LRIG1: variants seen among roughly 807,000 people sequenced by gnomAD.
LRIG1 encodes the protein leucine rich repeats and immunoglobulin like domains 1.
LRIG1 carries 48 observed loss-of-function variants against 99.2 expected under a neutral mutation model. The ratio of observed to expected loss-of-function variants is 0.48; its 90% CI spans 0.38 to 0.62. LRIG1 has a LOEUF of 0.62. LRIG1 is among the 20% of genes least tolerant of loss of function. The pLI is 0.00. For missense variants in LRIG1, 1,646 were observed against 1,434.4 expected (o/e 1.15, Z -2.38); for synonymous variants, 772 against 596.1 (o/e 1.29, Z -4.30).
intron 2 of LRIG1, among the ~76,000 whole-genome samples, chr3:66,461,193 T>C (rs1700346811): frequency 1.3e-5 from 2 of 152,114 alleles, no homozygotes; most frequent in African/African-American, 4.8e-5. Context: ...TAGTCCCAGC[T>C]ACTCACAAGG....
intron 9 of LRIG1, among the ~76,000 whole-genome samples, chr3:66,402,429 C>T (rs745910638): frequency 2.6e-5 from 4 of 152,108 alleles, no homozygotes; most frequent in Non-Finnish European, 5.9e-5. Flanking sequence ...CAGCTGTGTG[C>T]GTAAGCTGGA....
rs1700943298 is a variant in LRIG1, at chr3:66,380,073, T to G, written c.*190A>C. On this transcript the variant is annotated 3_prime_UTR_variant, in exon 19 of 19. Transcript: ENST00000273261. The stretch of plus-strand genomic sequence containing the variant: ...GTACAATGATATCAAATACTTTTTT[T>G]GCCTTTTGTACACAAATCCCCTCTT... 1 of 519,346 alleles carries G rather than the reference T, an allele frequency of 1.9e-6. No individual in the cohort carries two copies. The highest frequency in any genetic ancestry group is 3.4e-6 in the Non-Finnish European group (1 of 294,622). The allele number at this position is 519,346 out of a possible 1,614,324, so 32.2% of individuals were successfully genotyped here. A position where few individuals can be genotyped will look rare whatever the true frequency, so the allele number is the denominator to read the frequency against.
intron 2 of LRIG1, among the ~76,000 whole-genome samples, chr3:66,453,544 C>T (rs569579945): frequency 1.3e-5 from 2 of 152,306 alleles, no homozygotes; most frequent in Middle Eastern, 3.4e-3. Flanking sequence ...AGCAAAAACT[C>T]GACATGCCTC....
At chr3:66,399,139 G>A (rs1701965160) in intron 9 of LRIG1, 98 bp from the exon 10 acceptor site, 2 of 986,736 alleles carry the variant, frequency 2.0e-6, no homozygotes, top group Admixed American at 2.0e-5. Flanking sequence ...CACAATTAAG[G>A]TAGTGCTACC....
intron 2 of LRIG1, among the ~76,000 whole-genome samples, chr3:66,458,559 G>T (rs1416955371): frequency 6.6e-6 from 1 of 151,970 alleles, no homozygotes; most frequent in Non-Finnish European, 1.5e-5. Flanking sequence ...AAAATTAGCT[G>T]GGCGTGGTGG....
chr3:66,457,813 A>G (rs978275629), intron 2 of LRIG1, among the ~76,000 whole-genome samples: 1 of 152,218 alleles, frequency 6.6e-6, no homozygotes, highest in Non-Finnish European at 1.5e-5. Flanking sequence ...CTGTCTTAAC[A>G]TCCCCCACAC....
chr3:66,413,124 C>T, intron 5 of LRIG1, 110 bp from the exon 6 acceptor site: 2 of 1,281,196 alleles, frequency 1.6e-6, no homozygotes, highest in Non-Finnish European at 2.2e-6. Context: ...AATCCCAGTG[C>T]AGGGATCCCT....
At chr3:66,392,603 G>C (rs1522912) in intron 12 of LRIG1, among the ~76,000 whole-genome samples, 1,773 of 147,722 alleles carry the variant, frequency 0.012, 34 homozygotes, top group African/African-American at 0.04. Flanking sequence ...CGTTTTTAGA[G>C]GGGGGGAAGC....
intron 3 of LRIG1, among the ~76,000 whole-genome samples, chr3:66,439,448 A>G (rs890142610): frequency 6.6e-6 from 1 of 152,076 alleles, no homozygotes; most frequent in African/African-American, 2.4e-5. Context: ...TCCAAACACA[A>G]CCTTCACAAA....
rs2107930749 is a variant in LRIG1 at position 66,384,118 on chromosome 3, C to T, written c.1944G>A (p.Met648Ile). Residue 648 changes from methionine to isoleucine, a missense_variant, in exon 14 of 19, where the codon ATG becomes ATA. Coordinates refer to ENST00000273261, the MANE Select transcript of LRIG1 (RefSeq NM_015541.3). ...TDFPAARERRMHVMPDDDVFF... is the reference protein window; with the variant it reads ...TDFPAARERRIHVMPDDDVFF... ...ACACGTCGTCATCCGGCATGACATG[C>T]ATGCGTCGCTCACGGGCAGCGGGGA... 5.0e-6 allele frequency: 8 copies of T among 1,614,240 alleles called. No homozygotes were observed. Among genetic ancestry groups the T allele is most frequent in the East Asian group, 4.5e-5 (2 of 44,880 alleles).
Position 66,380,298 on chromosome 3 carries a change from G to A in LRIG1, c.3247C>T (p.Gln1083Ter), listed in dbSNP as rs1451165565. The A allele has an allele frequency of 6.2e-7, 1 of 1,613,706 alleles. No individual in the cohort carries two copies. The highest frequency in any genetic ancestry group is 2.2e-5 in the East Asian group (1 of 44,884). The change falls in exon 19 of 19, where the codon CAG (glutamine) becomes TAG (stop). Residue 1083 changes from glutamine (Q) to a stop codon, truncating the protein, a stop_gained. Transcript: ENST00000273261. LOFTEE classifies it high-confidence loss of function. The stretch of plus-strand genomic sequence containing the variant: ...GGTGCCAACAGCAGTGGCACCCTCT[G>A]TTTCCCGGGGAGCTGTCCTGTCAGT... ...TPLTGQLPGK[Q>*]RVPLLLAPKS
At chr3:66,460,436 C>T (rs114097783) in intron 2 of LRIG1, among the ~76,000 whole-genome samples, 1,684 of 152,290 alleles carry the variant, frequency 0.011, 21 homozygotes, top group African/African-American at 0.039. Flanking sequence ...TGCTGAAGCT[C>T]TAACCCCTAG....
At chr3:66,413,269 G>A (rs1012510655) in intron 5 of LRIG1, among the ~76,000 whole-genome samples, 2 of 152,196 alleles carry the variant, frequency 1.3e-5, no homozygotes, top group African/African-American at 2.4e-5. Flanking sequence ...CTCCGAGGCT[G>A]GCCCACAGCT....
At chr3:66,474,687 C>T (rs1438549368) in intron 1 of LRIG1, among the ~76,000 whole-genome samples, 6 of 152,230 alleles carry the variant, frequency 3.9e-5, no homozygotes, top group African/African-American at 1.2e-4. Flanking sequence ...CCCCACCACA[C>T]GCCTGTCCCC....
intron 9 of LRIG1, chr3:66,404,472 C>G (rs1402056357): frequency 9.1e-7 from 1 of 1,102,982 alleles, no homozygotes; most frequent in Non-Finnish European, 1.1e-6. Flanking sequence ...TGGTTACACG[C>G]AGAGAAAACA....
chr3:66,487,585 A>AAC (rs145217065), intron 1 of LRIG1, among the ~76,000 whole-genome samples: 14 of 151,826 alleles, frequency 9.2e-5, no homozygotes, highest in South Asian at 2.1e-4. Context: ...AGTGGAGAGA[A>AAC]ACACACACAC....
chr3:66,464,373 G>C (rs989862165), intron 1 of LRIG1, among the ~76,000 whole-genome samples: 2 of 152,182 alleles, frequency 1.3e-5, no homozygotes, highest in Non-Finnish European at 2.9e-5. Flanking sequence ...TGACACGGAA[G>C]TGCCTGCCGC....
At chr3:66,485,278 C>A (rs1462374890) in intron 1 of LRIG1, among the ~76,000 whole-genome samples, 1 of 152,130 alleles carries the variant, frequency 6.6e-6, no homozygotes, top group Non-Finnish European at 1.5e-5. Context: ...GGGTCACTGG[C>A]GGCCACAGCA....
At chr3:66,498,406 A>G (rs1335835874) in intron 1 of LRIG1, 1 of 152,134 alleles carries the variant, frequency 6.6e-6, no homozygotes, top group Non-Finnish European at 1.5e-5. Flanking sequence ...TGACCATAGG[A>G]AAGTGCAAAT....
Sources: allele counts gnomAD v4.1 joint callset (sites outside exome capture counted in the v4.1 genomes callset), GRCh38; gene constraint gnomAD v4.1.1; transcripts MANE v1.5; gene names NCBI Gene and HGNC (gene_info 2026-07-23, HGNC 2026-07-21).